The following MTDH variants were observed in gnomAD, a reference collection of about 807,000 sequenced individuals.
The protein encoded by MTDH is metadherin.
Under a neutral mutation model 72.7 loss-of-function variants are expected in MTDH, and 34 were observed. That is an observed-to-expected ratio of 0.47 (90% CI 0.36 to 0.62). The LOEUF is 0.62. MTDH is among the 20% of genes least tolerant of loss of function. The pLI is 0.00. For missense variants in MTDH, 677 were observed against 699.4 expected, an observed-to-expected ratio of 0.97 and a Z score of 0.36; for synonymous variants, 266 against 268.9, an observed-to-expected ratio of 0.99 and a Z score of 0.10.
chr8:97,711,347 A>G (rs546998114), intron 8 of MTDH, among the ~76,000 whole-genome samples: 60 of 151,540 alleles, frequency 4.0e-4, no homozygotes, highest in Non-Finnish European at 8.0e-4. Flanking sequence ...TAAAAAAAAA[A>G]AAAAAAGAAA....
intron 10 of MTDH, among the ~76,000 whole-genome samples, chr8:97,720,160 C>CTAT (rs1450582191): frequency 2.0e-5 from 3 of 152,144 alleles, no homozygotes; most frequent in Non-Finnish European, 4.4e-5. Context: ...TGGCAGGCAC[C>CTAT]TGTAATCCCA....
chr8:97,664,355 C>CAA (rs561426320), intron 2 of MTDH, among the ~76,000 whole-genome samples: 1 of 137,178 alleles, frequency 7.3e-6, no homozygotes, highest in Non-Finnish European at 1.6e-5. Flanking sequence ...GATTCCATCT[C>CAA]AAAAAAAAAA....
intron 10 of MTDH, among the ~76,000 whole-genome samples, chr8:97,721,768 C>T (rs1815138000): frequency 6.6e-6 from 1 of 152,172 alleles, no homozygotes; most frequent in Non-Finnish European, 1.5e-5. Flanking sequence ...AGTTAGTTTA[C>T]CTCCTTTCTG....
At chr8:97,700,693 A>G (rs895001879) in intron 7 of MTDH, among the ~76,000 whole-genome samples, 3 of 152,216 alleles carry the variant, frequency 2.0e-5, no homozygotes, top group African/African-American at 7.2e-5. Flanking sequence ...TCTATGTGGT[A>G]GGTTTTATTT....
In MTDH at chr8:97,728,795, T is replaced by C. The variant is rs1371232615; in HGVS notation, c.*4125T>C. 2.6e-5 allele frequency: 4 copies of C among 151,102 alleles called. No homozygotes were observed. The highest frequency in any genetic ancestry group is 5.9e-5 in the Non-Finnish European group (4 of 67,856). 9.4% of individuals were successfully genotyped at this position (151,102 alleles called of 1,614,324 possible). ...AAAAAATTAGAAACAAAAAAAAGAT[T>C]GTTTCTCTTTCATATTAAAGTTTGG... is the stretch of plus-strand genomic sequence containing the variant. On this transcript the variant is annotated 3_prime_UTR_variant, in exon 12 of 12. Coordinates refer to ENST00000336273, the MANE Select transcript of MTDH (RefSeq NM_178812.4).
intron 10 of MTDH, 127 bp from the exon 11 acceptor site, chr8:97,722,752 A>T: frequency 1.2e-6 from 1 of 844,716 alleles, no homozygotes; most frequent in Non-Finnish European, 1.8e-6. Context: ...GGTATGAGTT[A>T]CATTGTTTAT....
In MTDH at chr8:97,723,049, AT is replaced by A. The variant is rs758638551; in HGVS notation, c.1678+20del. 8.1e-6 allele frequency: 13 copies of A among 1,611,106 alleles called. No homozygotes were observed. The highest frequency in any genetic ancestry group is 1.1e-5 in the Non-Finnish European group (13 of 1,178,714). ...CTCCTTCACAGAGTAAGTAATCCTC[AT>A]TTTTTGTTCCTTTGTACTGTTTACA... On this transcript the variant is annotated intron_variant, in intron 11 of 11. Coordinates refer to ENST00000336273, the MANE Select transcript of MTDH (RefSeq NM_178812.4).
chr8:97,724,799 G>A lies in MTDH; in HGVS notation c.*129G>A, dbSNP rs536284476. On this transcript the variant is annotated 3_prime_UTR_variant, in exon 12 of 12. Transcript: ENST00000336273. Reference sequence around the variant, plus strand: ...AAACCAATTTTTAAAACAAAACTGCGGACACCACCATAAAAATGGAATCAA... The same window carrying A: ...AAACCAATTTTTAAAACAAAACTGCAGACACCACCATAAAAATGGAATCAA... 3.3e-5 allele frequency: 19 copies of A among 576,094 alleles called. No homozygotes were observed. The highest frequency in any genetic ancestry group is 1.3e-4 in the South Asian group (4 of 31,280). The allele number at this position is 576,094 out of a possible 1,614,324, so 35.7% of individuals were successfully genotyped here. A position where few individuals can be genotyped will look rare whatever the true frequency, so the allele number is the denominator to read the frequency against.
At chr8:97,702,517 A>G (rs912367839) in intron 7 of MTDH, among the ~76,000 whole-genome samples, 1 of 152,262 alleles carries the variant, frequency 6.6e-6, no homozygotes, top group Non-Finnish European at 1.5e-5. Flanking sequence ...TGCAGTAAGT[A>G]CTGCTGTTGG....
chr8:97,706,720 G>C lies in MTDH; in HGVS notation c.1242G>C (p.Lys414Asn), dbSNP rs1563561318. 6.2e-7 allele frequency: 1 copy of C among 1,613,892 alleles called. No individual in the cohort carries two copies. Among genetic ancestry groups the C allele is most frequent in the Non-Finnish European group, 8.5e-7 (1 of 1,179,896 alleles). Residue 414 changes from lysine (K) to asparagine (N), a missense_variant, in exon 8 of 12, where the codon AAG becomes AAC. By Grantham distance (94) the Lys-to-Asn change is moderately conservative. Around this residue, in one of 3 missense-constraint regions of MTDH, gnomAD observed 201 missense variants for 204.5 expected, o/e 0.98. Transcript: ENST00000336273. ...ACGAAGAAAGAGCTTCACTTCTAAA[G>C]TCCCAGGAACCAATTCCTGATGATC... The part of the protein sequence containing the change: ...WVDEERASLL[K>N]SQEPIPDDQK...
intron 6 of MTDH, among the ~76,000 whole-genome samples, chr8:97,697,150 A>ATATTTTTTTTTTTTTTTT: frequency 2.9e-5 from 2 of 68,798 alleles, no homozygotes; most frequent in African/African-American, 1.8e-4. Context: ...ATATATATAT[A>ATATTTTTTTTTTTTTTTT]TTTTTTTTTT....
At chr8:97,682,230 T>TTATATATA (rs71271143) in intron 2 of MTDH, among the ~76,000 whole-genome samples, 11 of 33,750 alleles carry the variant, frequency 3.3e-4, no homozygotes, top group African/African-American at 9.8e-4. Flanking sequence ...GTTAATTACT[T>TTATATATA]TATATATATA....
At chr8:97,720,481 T>C (rs1315501173) in intron 10 of MTDH, among the ~76,000 whole-genome samples, 1 of 146,958 alleles carries the variant, frequency 6.8e-6, no homozygotes, top group East Asian at 2.0e-4. Flanking sequence ...GGAGACTGAG[T>C]GGGAAGATCA....
chr8:97,704,006 A>G (rs961285793), intron 7 of MTDH, among the ~76,000 whole-genome samples: 6 of 152,238 alleles, frequency 3.9e-5, no homozygotes, highest in African/African-American at 1.4e-4. Context: ...CCTCTGTGCT[A>G]CTATGTAATA....
intron 1 of MTDH, among the ~76,000 whole-genome samples, chr8:97,656,950 C>G (rs1471371915): frequency 1.3e-5 from 2 of 151,664 alleles, no homozygotes; most frequent in East Asian, 3.9e-4. Context: ...CCACTACACT[C>G]CAGCCTGGGC....
intron 2 of MTDH, among the ~76,000 whole-genome samples, chr8:97,677,490 CAA>C (rs934211630): frequency 2.2e-4 from 17 of 77,112 alleles, no homozygotes; most frequent in Admixed American, 4.6e-4. Flanking sequence ...GACTCCATCT[CAA>C]AAAAAAAAAA....
intron 2 of MTDH, among the ~76,000 whole-genome samples, chr8:97,679,684 C>A (rs974685792): frequency 3.3e-5 from 5 of 152,160 alleles, no homozygotes; most frequent in African/African-American, 1.2e-4. Context: ...CAAATGTATA[C>A]ACTATCAGTG....
chr8:97,704,903 C>T (rs1219416546), intron 7 of MTDH, among the ~76,000 whole-genome samples: 1 of 152,128 alleles, frequency 6.6e-6, no homozygotes, highest in Non-Finnish European at 1.5e-5. Flanking sequence ...ATTTGTCCTT[C>T]TAGATATAAA....
chr8:97,705,098 A>G (rs1814293242), intron 7 of MTDH, among the ~76,000 whole-genome samples: 2 of 152,166 alleles, frequency 1.3e-5, no homozygotes, highest in Non-Finnish European at 2.9e-5. Context: ...GGAGTTCGAG[A>G]CCAGCCTGAC....
Sources: allele counts gnomAD v4.1 joint callset (sites outside exome capture counted in the v4.1 genomes callset), GRCh38; gene constraint gnomAD v4.1.1; regional missense constraint gnomAD v4.1.1; transcripts MANE v1.5; gene names NCBI Gene and HGNC (gene_info 2026-07-23, HGNC 2026-07-21).